Variants in ADAMTS9 observed in about 807,000 individuals in gnomAD.
The protein encoded by ADAMTS9 is ADAM metallopeptidase with thrombospondin type 1 motif 9.
A neutral mutation model predicts 257.1 loss-of-function variants in ADAMTS9; 107 were observed. The ratio of observed to expected loss-of-function variants is 0.42; its 90% confidence interval spans 0.36 to 0.49. The LOEUF (loss-of-function observed/expected upper bound fraction) is 0.49, where lower values mean the gene tolerates loss of function less well. Among genes scored for constraint, ADAMTS9 ranks in the 20% least tolerant of loss-of-function variants. The probability of loss-of-function intolerance (pLI) is 0.03; values close to 1 mark genes in which losing one functional copy is unlikely to be tolerated. For synonymous variants in ADAMTS9, 982 were observed against 880.9 expected (o/e 1.11, Z -2.03); for missense variants, 2,353 against 2,469.1 (o/e 0.95, Z 1.00).
intron 19 of ADAMTS9, among the ~76,000 whole-genome samples, 172 bp from the exon 20 acceptor site, chr3:64,616,342 A>G (rs1364210239): frequency 6.6e-6 from 1 of 152,130 alleles, no homozygotes; most frequent in African/African-American, 2.4e-5. Context: ...CAACATATCC[A>G]TGTGTTTTTC....
At chr3:64,552,461 G>T (rs985048821) in intron 30 of ADAMTS9, among the ~76,000 whole-genome samples, 3 of 152,128 alleles carry the variant, frequency 2.0e-5, no homozygotes, top group African/African-American at 7.2e-5. Flanking sequence ...CTGTACCAAG[G>T]ACTGCTGCAG....
chr3:64,526,322 A>T (rs183713598), intron 38 of ADAMTS9, among the ~76,000 whole-genome samples: 1 of 152,190 alleles, frequency 6.6e-6, no homozygotes, highest in Non-Finnish European at 1.5e-5. Context: ...TATCGATAAA[A>T]ATACCAAAGA....
intron 29 of ADAMTS9, 48 bp from the exon 30 acceptor site, chr3:64,561,799 TGGGGGGGCG>T: frequency 3.6e-6 from 2 of 559,930 alleles, no homozygotes; most frequent in Non-Finnish European, 5.5e-6. Flanking sequence ...ATTTATTTTT[TGGGGGGGCG>T]GGGGGTGTCG....
rs772780052 is a variant in ADAMTS9, at chr3:64,648,032, G to A, written c.1618C>T (p.Arg540Trp). Reference sequence around the variant, plus strand: ...CCATTGACGTTATTGCACCAGAGCCGTCTGCACTGCATCTGCTCAATTCAA... The same window carrying A: ...CCATTGACGTTATTGCACCAGAGCCATCTGCACTGCATCTGCTCAATTCAA... Reference protein sequence around the residue: ...QVCPYMMQCRRLWCNNVNGVH... With the variant: ...QVCPYMMQCRWLWCNNVNGVH... Residue 540 changes from arginine to tryptophan, a missense_variant, in exon 11 of 40, where the codon CGG becomes TGG. Physicochemically the swap from Arg to Trp is moderately radical, Grantham distance 101. This residue lies in a region of ADAMTS9 where 360 missense variants were observed against 458.1 expected (regional missense o/e 0.79). Transcript: ENST00000498707. The A allele has an allele frequency of 2.5e-6, 4 of 1,611,820 alleles. No homozygotes were observed. The African/African-American group carries it at 4.0e-5, about 16-fold the overall frequency.
intron 16 of ADAMTS9, among the ~76,000 whole-genome samples, chr3:64,630,538 C>G (rs1209197660): frequency 2.0e-5 from 3 of 152,204 alleles, no homozygotes; most frequent in Non-Finnish European, 4.4e-5. Context: ...GATCACACCA[C>G]TGCACTCCAG....
intron 2 of ADAMTS9, among the ~76,000 whole-genome samples, chr3:64,682,173 AC>A (rs1701774490): frequency 1.3e-5 from 2 of 152,132 alleles, no homozygotes; most frequent in South Asian, 2.1e-4. Flanking sequence ...CTACCCATTC[AC>A]CTTGGGCAAG....
chr3:64,536,453 G>T (rs746977844), intron 37 of ADAMTS9, among the ~76,000 whole-genome samples: 1 of 152,192 alleles, frequency 6.6e-6, no homozygotes, highest in African/African-American at 2.4e-5. Context: ...GTCCGTAAAG[G>T]TTTGCAAAAG....
intron 19 of ADAMTS9, among the ~76,000 whole-genome samples, chr3:64,617,523 T>C (rs1699989372): frequency 6.6e-6 from 1 of 152,172 alleles, no homozygotes; most frequent in African/African-American, 2.4e-5. Flanking sequence ...GTCTTCAATG[T>C]TTCGTGTTCA....
At chr3:64,585,301 G>A (rs1041876690) in intron 28 of ADAMTS9, among the ~76,000 whole-genome samples, 16 of 152,070 alleles carry the variant, frequency 1.1e-4, no homozygotes, top group Non-Finnish European at 1.5e-4. Context: ...GTTCCCAAGC[G>A]TAACTGTTTT....
At chr3:64,670,264 A>C (rs944721467) in intron 3 of ADAMTS9, among the ~76,000 whole-genome samples, 2 of 152,136 alleles carry the variant, frequency 1.3e-5, no homozygotes, top group East Asian at 3.9e-4. Flanking sequence ...ACCTGTTTTC[A>C]CCCCTGAGCT....
chr3:64,661,727 A>C (rs1701228071), intron 3 of ADAMTS9, among the ~76,000 whole-genome samples: 1 of 152,164 alleles, frequency 6.6e-6, no homozygotes, highest in Non-Finnish European at 1.5e-5. Context: ...TGCTTTTTAC[A>C]ACAGGTGTAT....
Position 64,687,764 on chromosome 3 carries a change from C to A in ADAMTS9, c.-107G>T, listed in dbSNP as rs1701959639. ...GCCGTGGAGAGCGCGCGGAGCCCGGCGCCCGCCGCCAACTTTTGACTTTAG... is the reference window on the plus strand; with the variant it reads ...GCCGTGGAGAGCGCGCGGAGCCCGGAGCCCGCCGCCAACTTTTGACTTTAG... On this transcript the variant is annotated 5_prime_UTR_variant, in exon 1 of 40. Transcript: ENST00000498707. The surrounding 1 kb of genome is among the most constrained non-coding windows in gnomAD (Gnocchi z 4.4). 1.2e-6 allele frequency: 1 copy of A among 834,336 alleles called. No individual in the cohort carries two copies. The highest frequency in any genetic ancestry group is 2.4e-5 in the South Asian group (1 of 41,900). The allele number at this position is 834,336 out of a possible 1,614,324, so 51.7% of individuals were successfully genotyped here. A position where few individuals can be genotyped will look rare whatever the true frequency, so the allele number is the denominator to read the frequency against.
intron 3 of ADAMTS9, among the ~76,000 whole-genome samples, chr3:64,679,324 G>A (rs1316741603): frequency 1.3e-5 from 2 of 152,086 alleles, no homozygotes; most frequent in Non-Finnish European, 2.9e-5. Context: ...CAGAGAAAAT[G>A]GGTCACGGAA....
intron 29 of ADAMTS9, chr3:64,565,617 T>C (rs182288222): frequency 8.5e-5 from 13 of 152,350 alleles, no homozygotes; most frequent in Admixed American, 4.6e-4. Flanking sequence ...TGATCTTTAT[T>C]TTAAAAACTC....
At chr3:64,578,998 A>G (rs1438214358) in intron 28 of ADAMTS9, among the ~76,000 whole-genome samples, 1 of 152,138 alleles carries the variant, frequency 6.6e-6, no homozygotes, top group Non-Finnish European at 1.5e-5. Flanking sequence ...GTCAACCTTT[A>G]AAAACAAATT....
Position 64,515,711 on chromosome 3 carries a change from G to C in ADAMTS9, c.*1416C>G, listed in dbSNP as rs2082768228. The stretch of plus-strand genomic sequence containing the variant: ...ATTTTCAGAACACATTAATAATGGA[G>C]AATAACACTTATTCATATACTGAAT... On this transcript the variant is annotated 3_prime_UTR_variant, in exon 40 of 40. Coordinates refer to ENST00000498707, the MANE Select transcript of ADAMTS9 (RefSeq NM_182920.2). 6.6e-6 allele frequency: 1 copy of C among 152,188 alleles called. No homozygotes were observed. The highest frequency in any genetic ancestry group is 2.1e-4 in the South Asian group (1 of 4,824). 9.4% of individuals were successfully genotyped at this position (152,188 alleles called of 1,614,324 possible).
At chr3:64,618,430 C>A (rs1263678254) in intron 19 of ADAMTS9, among the ~76,000 whole-genome samples, 1 of 152,104 alleles carries the variant, frequency 6.6e-6, no homozygotes, top group Non-Finnish European at 1.5e-5. Flanking sequence ...AGCATACCTA[C>A]TATATGAAAC....
chr3:64,541,056 A>G, intron 36 of ADAMTS9, 39 bp downstream of exon 36: 2 of 1,610,528 alleles, frequency 1.2e-6, no homozygotes, highest in Non-Finnish European at 1.7e-6. Flanking sequence ...AATGGAGAGA[A>G]GAACGCACAC....
chr3:64,616,586 T>C (rs1471736928), intron 19 of ADAMTS9, among the ~76,000 whole-genome samples: 2 of 152,220 alleles, frequency 1.3e-5, no homozygotes. Context: ...GATTTGAATC[T>C]ATAAATCTCT....
Sources: gnomAD v4.1 joint callset for allele counts (sites outside exome capture counted in the v4.1 genomes callset) on GRCh38, gnomAD v4.1.1 for gene constraint, gnomAD v4.1.1 regional missense constraint, Gnocchi (gnomAD v3.1) non-coding constraint, MANE v1.5 for transcripts, NCBI Gene and HGNC (gene_info 2026-07-23, HGNC 2026-07-21) for gene names.